Variants in EPHA6 observed in about 807,000 individuals in gnomAD.
The protein encoded by EPHA6 is EPH receptor A6.
In EPHA6, 50 loss-of-function variants were observed where a neutral mutation model predicts 112.0. The observed-to-expected ratio is 0.45, with a 90% CI of 0.36 to 0.56. The LOEUF is 0.56. Among genes scored for constraint, EPHA6 ranks in the 20% least tolerant of loss-of-function variants. The pLI is 0.00. For missense variants in EPHA6, 1,280 were observed against 1,417.4 expected (o/e 0.90, Z 1.56); for synonymous variants, 529 against 490.7 (o/e 1.08, Z -1.03).
intron 5 of EPHA6, among the ~76,000 whole-genome samples, chr3:97,262,303 A>G (rs930339596): frequency 1.3e-5 from 2 of 152,172 alleles, no homozygotes; most frequent in African/African-American, 4.8e-5. Context: ...CTATCTTTAT[A>G]AAGAAAAAAA....
At chr3:97,246,736 T>C (rs1204608073) in intron 5 of EPHA6, among the ~76,000 whole-genome samples, 1 of 151,862 alleles carries the variant, frequency 6.6e-6, no homozygotes, top group African/African-American at 2.4e-5. Context: ...TAATAAAATA[T>C]TATGACCAGC....
At chr3:96,870,763 TA>T (rs1320236919) in intron 2 of EPHA6, among the ~76,000 whole-genome samples, 1 of 152,068 alleles carries the variant, frequency 6.6e-6, no homozygotes, top group Non-Finnish European at 1.5e-5. Flanking sequence ...TTTATTCCAT[TA>T]ATCGGAGCCC....
chr3:97,144,525 A>G (rs1029367577), intron 3 of EPHA6, among the ~76,000 whole-genome samples: 2 of 150,910 alleles, frequency 1.3e-5, no homozygotes, highest in African/African-American at 2.4e-5. Flanking sequence ...TAGACATTAC[A>G]TATATTGGTA....
At chr3:97,049,432 A>C (rs902392291) in intron 3 of EPHA6, among the ~76,000 whole-genome samples, 1 of 152,202 alleles carries the variant, frequency 6.6e-6, no homozygotes, top group African/African-American at 2.4e-5. Context: ...TAGGAAGAAT[A>C]ACAGATTTGT....
At chr3:97,131,223 G>A (rs1479636816) in intron 3 of EPHA6, among the ~76,000 whole-genome samples, 1 of 152,042 alleles carries the variant, frequency 6.6e-6, no homozygotes, top group East Asian at 1.9e-4. Flanking sequence ...AATGTATACA[G>A]TGGTATGTAT....
intron 3 of EPHA6, among the ~76,000 whole-genome samples, chr3:97,205,941 G>A (rs1185496047): frequency 6.6e-6 from 1 of 151,958 alleles, no homozygotes; most frequent in African/African-American, 2.4e-5. Context: ...AGACTTACAG[G>A]AGTTAAATAA....
intron 5 of EPHA6, among the ~76,000 whole-genome samples, chr3:97,339,268 C>G (rs2083198847): frequency 1.3e-5 from 2 of 152,150 alleles, no homozygotes; most frequent in Admixed American, 1.3e-4. Flanking sequence ...TAAACAAATA[C>G]ATCTCTAAAG....
At chr3:97,586,488 G>A (rs543525679) in intron 11 of EPHA6, among the ~76,000 whole-genome samples, 2 of 151,968 alleles carry the variant, frequency 1.3e-5, no homozygotes, top group South Asian at 4.2e-4. Flanking sequence ...AGAGGTTTAT[G>A]GTCTTACTTC....
intron 11 of EPHA6, among the ~76,000 whole-genome samples, chr3:97,578,761 G>C (rs1037649562): frequency 1.1e-4 from 16 of 152,050 alleles, no homozygotes; most frequent in Admixed American, 2.6e-4. Context: ...TTTTTAACTA[G>C]ATATGCATCA....
intron 5 of EPHA6, among the ~76,000 whole-genome samples, chr3:97,296,542 G>C (rs1471498383): frequency 1.3e-5 from 2 of 152,178 alleles, no homozygotes; most frequent in Admixed American, 6.5e-5. Context: ...CCTGCTGAGT[G>C]GGGGTGGGTT....
At chr3:97,114,428 AT>A (rs142974094) in intron 3 of EPHA6, among the ~76,000 whole-genome samples, 1,890 of 152,214 alleles carry the variant, frequency 0.012, 46 homozygotes, top group African/African-American at 0.043. Flanking sequence ...TACCTGATTA[AT>A]ATCTCTTCCC....
chr3:97,229,277 C>G (rs1181308821), intron 4 of EPHA6, among the ~76,000 whole-genome samples: 1 of 152,104 alleles, frequency 6.6e-6, no homozygotes, highest in African/African-American at 2.4e-5. Context: ...GGTTCTTGGT[C>G]ATAAACTCTT....
At chr3:97,390,754 T>TTAA (rs2086352264) in intron 5 of EPHA6, among the ~76,000 whole-genome samples, 1 of 152,044 alleles carries the variant, frequency 6.6e-6, no homozygotes, top group African/African-American at 2.4e-5. Flanking sequence ...TCAAGAGTTA[T>TTAA]TAAACTGTAT....
At chr3:97,007,901 T>G (rs979471285) in intron 3 of EPHA6, among the ~76,000 whole-genome samples, 1 of 152,182 alleles carries the variant, frequency 6.6e-6, no homozygotes, top group East Asian at 1.9e-4. Context: ...CGTTGAAAAT[T>G]CTTTTCTTTA....
chr3:96,889,294 G>A (rs546729535), intron 2 of EPHA6, among the ~76,000 whole-genome samples: 1 of 152,004 alleles, frequency 6.6e-6, no homozygotes, highest in African/African-American at 2.4e-5. Flanking sequence ...ACATTTTTGG[G>A]TATCTTTTCA....
chr3:97,407,202 A>AAGATCT (rs2087407927), intron 6 of EPHA6, among the ~76,000 whole-genome samples: 1 of 152,068 alleles, frequency 6.6e-6, no homozygotes, highest in African/African-American at 2.4e-5. Context: ...AGGACCTAGA[A>AAGATCT]AGATCTAGAT....
intron 7 of EPHA6, among the ~76,000 whole-genome samples, chr3:97,470,978 T>C (rs1262629887): frequency 2.0e-5 from 3 of 151,666 alleles, no homozygotes; most frequent in South Asian, 2.1e-4. Context: ...ATGCCACTTA[T>C]ATGAGTAAAC....
chr3:97,324,022 C>A (rs888746426), intron 5 of EPHA6, among the ~76,000 whole-genome samples: 2 of 151,932 alleles, frequency 1.3e-5, no homozygotes. Context: ...GAGTGACCGT[C>A]CATAGCAAGC....
intron 5 of EPHA6, among the ~76,000 whole-genome samples, chr3:97,251,874 A>G (rs2079152546): frequency 6.6e-6 from 1 of 152,226 alleles, no homozygotes. Context: ...TCTTTCTTTC[A>G]GTGATTTTTC....
Sources: gnomAD v4.1 joint callset for allele counts (sites outside exome capture counted in the v4.1 genomes callset) on GRCh38, gnomAD v4.1.1 for gene constraint, MANE v1.5 for transcripts, NCBI Gene and HGNC (gene_info 2026-07-23, HGNC 2026-07-21) for gene names.